The following WWOX variants were observed in gnomAD, a reference collection of about 807,000 sequenced individuals.
WWOX encodes the protein WW domain-containing oxidoreductase.
In WWOX, 69 loss-of-function variants were observed where a neutral mutation model predicts 46.2. The ratio of observed to expected loss-of-function variants is 1.49; its 90% CI spans 1.23 to 1.82. The LOEUF is 1.82. Ranked by LOEUF, WWOX falls within the 40% of genes most tolerant of loss-of-function variation. WWOX has a pLI of 0.00. For missense variants in WWOX, 919 were observed against 542.6 expected, an observed-to-expected ratio of 1.69 and a Z score of -6.89; for synonymous variants, 359 against 202.6, an observed-to-expected ratio of 1.77 and a Z score of -6.56.
chr16:78,484,620 C>T (rs548290741), intron 8 of WWOX, among the ~76,000 whole-genome samples: 11 of 152,204 alleles, frequency 7.2e-5, no homozygotes, highest in South Asian at 4.2e-4. Context: ...AGGTGGCAAA[C>T]GGTAGTATTT....
intron 8 of WWOX, among the ~76,000 whole-genome samples, chr16:78,748,714 C>T (rs927855763): frequency 1.3e-5 from 2 of 152,170 alleles, no homozygotes; most frequent in Non-Finnish European, 1.5e-5. Flanking sequence ...GCAAAGGGTT[C>T]CCTCATTCCC....
At chr16:78,658,858 G>A (rs894348410) in intron 8 of WWOX, among the ~76,000 whole-genome samples, 5 of 151,638 alleles carry the variant, frequency 3.3e-5, no homozygotes, top group Admixed American at 6.6e-5. Context: ...TTGGGAGGCC[G>A]AGGCAGGCGG....
At chr16:78,127,692 C>T (rs977684481) in intron 4 of WWOX, among the ~76,000 whole-genome samples, 1 of 152,060 alleles carries the variant, frequency 6.6e-6, no homozygotes, top group Non-Finnish European at 1.5e-5. Context: ...ACTTGTTCAC[C>T]CAAGTTTGTG....
Position 79,056,082 on chromosome 16 carries a change from T to G in WWOX, c.1057-155526T>G, listed in dbSNP as rs952561439. On this transcript the variant is annotated intron_variant, in intron 8 of 8. Transcript: ENST00000566780. ...TTGAATAGCTTAGCACAGCTCAGCT[T>G]GTAAAAAAAAAGGAAAACCACTATC... Among the ~76,000 whole-genome samples, 7 of 146,888 alleles carry G rather than the reference T, an allele frequency of 4.8e-5. No homozygotes were observed. In the South Asian group the frequency reaches 1.5e-3, roughly 31 times the overall value.
At chr16:78,491,347 C>T (rs563057290) in intron 8 of WWOX, among the ~76,000 whole-genome samples, 1 of 152,212 alleles carries the variant, frequency 6.6e-6, no homozygotes, top group African/African-American at 2.4e-5. Flanking sequence ...GTTTTATTCC[C>T]TGTTTAACCT....
At chr16:78,784,347 C>T (rs2050403562) in intron 8 of WWOX, among the ~76,000 whole-genome samples, 3 of 152,122 alleles carry the variant, frequency 2.0e-5, no homozygotes, top group Admixed American at 6.5e-5. Context: ...TACAGGTCCT[C>T]AGTCTCCTCA....
At chr16:78,208,911 A>G (rs907612616) in intron 5 of WWOX, among the ~76,000 whole-genome samples, 2 of 152,052 alleles carry the variant, frequency 1.3e-5, no homozygotes, top group Non-Finnish European at 2.9e-5. Context: ...TTATTTATTT[A>G]TTTATTTTTT....
At chr16:78,881,753 C>T (rs1235514335) in intron 8 of WWOX, among the ~76,000 whole-genome samples, 1 of 152,194 alleles carries the variant, frequency 6.6e-6, no homozygotes, top group Non-Finnish European at 1.5e-5. Context: ...TCTGGCTTGT[C>T]TACGCCAAAA....
chr16:78,598,382 A>G (rs143238042), intron 8 of WWOX, among the ~76,000 whole-genome samples: 12 of 152,338 alleles, frequency 7.9e-5, no homozygotes, highest in African/African-American at 2.4e-4. Flanking sequence ...AGACTGGGTT[A>G]AAATCGAGAG....
rs74851229 is a variant in WWOX at position 78,458,365 on chromosome 16, A to G, written c.1056+25613A>G. The stretch of plus-strand genomic sequence containing the variant: ...AGTCTTGACCTCCCAGGCTCAAGCA[A>G]TCCTCTGGCCTCAGCCTCCCAAGTA... On this transcript the variant is annotated intron_variant, in intron 8 of 8. Transcript: ENST00000566780. Among the ~76,000 whole-genome samples, 963 of 151,508 alleles carry G rather than the reference A, an allele frequency of 6.4e-3. 5 individuals carry two copies. The highest frequency in any genetic ancestry group is 9.0e-3 in the Non-Finnish European group (613 of 67,952).
intron 8 of WWOX, among the ~76,000 whole-genome samples, chr16:78,481,944 C>G (rs1387407706): frequency 6.6e-6 from 1 of 152,158 alleles, no homozygotes; most frequent in Non-Finnish European, 1.5e-5. Flanking sequence ...TCGTAACTTT[C>G]TCACATCCTT....
chr16:78,431,157 A>C (rs1264890663), intron 7 of WWOX, among the ~76,000 whole-genome samples: 2 of 152,236 alleles, frequency 1.3e-5, no homozygotes, highest in Non-Finnish European at 2.9e-5. Flanking sequence ...GACAAACGGA[A>C]AGAAACAAAC....
At chr16:78,190,179 C>T (rs923838621) in intron 5 of WWOX, among the ~76,000 whole-genome samples, 2 of 152,194 alleles carry the variant, frequency 1.3e-5, no homozygotes, top group Admixed American at 6.5e-5. Context: ...GAGCACTTGG[C>T]TTAGGCCAGA....
chr16:78,630,732 TGA>T (rs1367790520), intron 8 of WWOX, among the ~76,000 whole-genome samples: 1 of 152,178 alleles, frequency 6.6e-6, no homozygotes, highest in Non-Finnish European at 1.5e-5. Context: ...CTGAGTCTTA[TGA>T]GTCTTCCTTG....
At chr16:78,625,950 G>A (rs773813419) in intron 8 of WWOX, among the ~76,000 whole-genome samples, 3 of 149,794 alleles carry the variant, frequency 2.0e-5, no homozygotes, top group South Asian at 2.1e-4. Context: ...AAAAGTAATC[G>A]CAGTTTTTGC....
At chr16:78,440,619 T>C (rs2083422966) in intron 8 of WWOX, among the ~76,000 whole-genome samples, 2 of 151,646 alleles carry the variant, frequency 1.3e-5, no homozygotes, top group Non-Finnish European at 2.9e-5. Context: ...GTAGTTTTTT[T>C]TTTTTCTTTT....
intron 8 of WWOX, among the ~76,000 whole-genome samples, chr16:78,527,390 A>G (rs911406089): frequency 2.6e-5 from 4 of 151,168 alleles, no homozygotes; most frequent in African/African-American, 9.7e-5. Flanking sequence ...GCCTCCTGTA[A>G]TCAAGAGATT....
chr16:78,781,734 C>A (rs1280691924), intron 8 of WWOX, among the ~76,000 whole-genome samples: 2 of 152,066 alleles, frequency 1.3e-5, no homozygotes, highest in Non-Finnish European at 2.9e-5. Context: ...GAGATGGCAC[C>A]CCTGCACTCC....
At chr16:78,915,852 T>C (rs1299744400) in intron 8 of WWOX, among the ~76,000 whole-genome samples, 1 of 152,162 alleles carries the variant, frequency 6.6e-6, no homozygotes, top group African/African-American at 2.4e-5. Context: ...CACCACAGCT[T>C]TATAACAGGA....
Sources: gnomAD v4.1 joint callset for allele counts (sites outside exome capture counted in the v4.1 genomes callset) on GRCh38, gnomAD v4.1.1 for gene constraint, MANE v1.5 for transcripts, NCBI Gene and HGNC (gene_info 2026-07-23, HGNC 2026-07-21) for gene names.